CNTN4: variants seen among roughly 807,000 people sequenced by gnomAD.
The protein encoded by CNTN4 is contactin 4.
A neutral mutation model predicts 122.5 loss-of-function variants in CNTN4; 77 were observed. That is an observed-to-expected ratio of 0.63 (90% CI 0.52 to 0.76). The LOEUF (loss-of-function observed/expected upper bound fraction) is 0.76, where lower values mean the gene tolerates loss of function less well. CNTN4 is among the 30% of genes least tolerant of loss of function. The pLI is 0.00. For missense variants in CNTN4, 1,256 were observed against 1,259.1 expected (o/e 1.00, Z 0.04); for synonymous variants, 512 against 447.0 (o/e 1.15, Z -1.83).
chr3:3,000,866 G>GTCTT (rs573284367), intron 14 of CNTN4, among the ~76,000 whole-genome samples: 2 of 144,880 alleles, frequency 1.4e-5, no homozygotes, highest in Non-Finnish European at 3.0e-5. Flanking sequence ...TTACTGTAGA[G>GTCTT]TCTTTCTTTC....
At chr3:2,358,054 G>A (rs111618648) in intron 3 of CNTN4, among the ~76,000 whole-genome samples, 3 of 152,222 alleles carry the variant, frequency 2.0e-5, no homozygotes, top group African/African-American at 7.2e-5. Context: ...TGTACCCCAT[G>A]TGACATTTTA....
At chr3:2,664,831 T>G (rs1319130419) in intron 4 of CNTN4, among the ~76,000 whole-genome samples, 1 of 152,196 alleles carries the variant, frequency 6.6e-6, no homozygotes, top group Non-Finnish European at 1.5e-5. Context: ...TTTAAAGTAA[T>G]AGAATGCGAT....
chr3:2,413,196 A>C (rs983996356), intron 3 of CNTN4, among the ~76,000 whole-genome samples: 1 of 152,162 alleles, frequency 6.6e-6, no homozygotes, highest in Non-Finnish European at 1.5e-5. Context: ...TTGTATCTCT[A>C]CTTTAGTGGA....
intron 4 of CNTN4, among the ~76,000 whole-genome samples, chr3:2,572,328 G>A (rs565170151): frequency 1.3e-5 from 2 of 152,322 alleles, no homozygotes; most frequent in East Asian, 1.9e-4. Flanking sequence ...GAAGGTTGCA[G>A]TGAGCCGAGA....
At chr3:3,029,259 A>G (rs1306199576) in intron 15 of CNTN4, among the ~76,000 whole-genome samples, 2 of 152,234 alleles carry the variant, frequency 1.3e-5, no homozygotes, top group Non-Finnish European at 2.9e-5. Flanking sequence ...TCACAAAAAA[A>G]TGGATCATGG....
At chr3:2,809,517 G>A (rs1331033792) in intron 6 of CNTN4, among the ~76,000 whole-genome samples, 2 of 152,170 alleles carry the variant, frequency 1.3e-5, no homozygotes, top group East Asian at 1.9e-4. Flanking sequence ...GCACAGTGAA[G>A]GGTCCATATT....
chr3:2,577,134 T>G (rs1447751412), intron 4 of CNTN4, among the ~76,000 whole-genome samples: 3 of 152,212 alleles, frequency 2.0e-5, no homozygotes, highest in Non-Finnish European at 4.4e-5. Flanking sequence ...TACTTTTTTC[T>G]TCTTTACTTC....
At chr3:2,801,408 A>C (rs1197566121) in intron 6 of CNTN4, among the ~76,000 whole-genome samples, 1 of 152,218 alleles carries the variant, frequency 6.6e-6, no homozygotes, top group Non-Finnish European at 1.5e-5. Context: ...TATTCCAATT[A>C]ACACTAATCA....
intron 8 of CNTN4, among the ~76,000 whole-genome samples, chr3:2,868,778 C>G (rs962354583): frequency 2.6e-5 from 4 of 152,094 alleles, no homozygotes; most frequent in East Asian, 1.9e-4. Context: ...CAAACATAAA[C>G]AAAACCAAAA....
chr3:2,860,721 C>A (rs1333061539), intron 7 of CNTN4, among the ~76,000 whole-genome samples: 1 of 150,716 alleles, frequency 6.6e-6, no homozygotes, highest in East Asian at 1.9e-4. Context: ...TTATATTTAT[C>A]ATTCTGTGTC....
At chr3:2,545,035 C>G (rs1320623322) in intron 3 of CNTN4, among the ~76,000 whole-genome samples, 3 of 151,974 alleles carry the variant, frequency 2.0e-5, no homozygotes, top group Non-Finnish European at 4.4e-5. Flanking sequence ...TCTTAACACT[C>G]TCTTAGCTGT....
At chr3:2,879,232 A>G (rs2093879886) in intron 8 of CNTN4, among the ~76,000 whole-genome samples, 1 of 152,218 alleles carries the variant, frequency 6.6e-6, no homozygotes, top group South Asian at 2.1e-4. Context: ...CAACCGAGGC[A>G]GAGATGGACT....
intron 4 of CNTN4, among the ~76,000 whole-genome samples, chr3:2,639,981 T>G (rs1289174686): frequency 6.6e-6 from 1 of 152,242 alleles, no homozygotes; most frequent in Non-Finnish European, 1.5e-5. Flanking sequence ...CATTTGGGTT[T>G]TAAAGAATTT....
chr3:2,957,587 C>T (rs1253983762), intron 13 of CNTN4, among the ~76,000 whole-genome samples: 1 of 152,098 alleles, frequency 6.6e-6, no homozygotes, highest in Non-Finnish European at 1.5e-5. Flanking sequence ...CAGCTCACAT[C>T]CCCTCCCCAC....
chr3:2,847,600 G>T (rs2093476961), intron 7 of CNTN4, among the ~76,000 whole-genome samples: 1 of 152,154 alleles, frequency 6.6e-6, no homozygotes, highest in African/African-American at 2.4e-5. Context: ...TTCTTTACAG[G>T]ATAACCAGGC....
intron 3 of CNTN4, among the ~76,000 whole-genome samples, chr3:2,468,553 A>G (rs977042945): frequency 1.3e-5 from 2 of 152,198 alleles, no homozygotes; most frequent in African/African-American, 2.4e-5. Flanking sequence ...AGAAGACTAC[A>G]TCAGTCAGAA....
At chr3:2,562,750 G>T (rs2079010569) in intron 3 of CNTN4, among the ~76,000 whole-genome samples, 1 of 151,256 alleles carries the variant, frequency 6.6e-6, no homozygotes, top group African/African-American at 2.4e-5. Context: ...TTGAGACAGG[G>T]TCTTACACTG....
At chr3:2,770,035 GTTT>G (rs879861029) in intron 6 of CNTN4, among the ~76,000 whole-genome samples, 1 of 34,134 alleles carries the variant, frequency 2.9e-5, no homozygotes, top group South Asian at 1.2e-3. Flanking sequence ...TTGTTTGTTT[GTTT>G]TTTTTTTTTG....
chr3:2,166,642 C>G (rs1398206279), intron 2 of CNTN4, among the ~76,000 whole-genome samples: 1 of 152,040 alleles, frequency 6.6e-6, no homozygotes, highest in Non-Finnish European at 1.5e-5. Context: ...AAAGTAAATT[C>G]TAGCTTATTT....
Sources: allele counts gnomAD v4.1 joint callset (sites outside exome capture counted in the v4.1 genomes callset), GRCh38; gene constraint gnomAD v4.1.1; transcripts MANE v1.5; gene names NCBI Gene and HGNC (gene_info 2026-07-23, HGNC 2026-07-21).